PLPPR1: variants seen among roughly 807,000 people sequenced by gnomAD.
The protein encoded by PLPPR1 is phospholipid phosphatase-related protein type 1.
A neutral mutation model predicts 33.1 loss-of-function variants in PLPPR1; 10 were observed. The observed-to-expected ratio is 0.30, with a 90% CI of 0.19 to 0.51. PLPPR1 has a LOEUF of 0.51. Among genes scored for constraint, PLPPR1 ranks in the 20% least tolerant of loss-of-function variants. PLPPR1 has a pLI of 0.97. For missense variants in PLPPR1, 304 were observed against 408.1 expected (o/e 0.74, Z 2.20); for synonymous variants, 151 against 151.0 (o/e 1.00, Z 0.00).
chr9:101,235,277 A>G (rs1394263384), intron 2 of PLPPR1, among the ~76,000 whole-genome samples: 1 of 151,800 alleles, frequency 6.6e-6, no homozygotes, highest in African/African-American at 2.4e-5. Flanking sequence ...GGAAGAACAG[A>G]CCAGTATTTG....
intron 2 of PLPPR1, among the ~76,000 whole-genome samples, chr9:101,266,993 T>G (rs895895830): frequency 2.6e-5 from 4 of 152,164 alleles, no homozygotes; most frequent in Non-Finnish European, 4.4e-5. Flanking sequence ...TCTTGCCTAT[T>G]CCCATTCAGG....
intron 1 of PLPPR1, among the ~76,000 whole-genome samples, chr9:101,100,061 C>T (rs186078185): frequency 1.4e-4 from 21 of 152,012 alleles, no homozygotes; most frequent in South Asian, 4.1e-4. Flanking sequence ...TTCTGACATA[C>T]GGTCAGAGGG....
At chr9:101,278,304 A>C (rs894093694) in intron 3 of PLPPR1, among the ~76,000 whole-genome samples, 2 of 152,170 alleles carry the variant, frequency 1.3e-5, no homozygotes, top group Non-Finnish European at 2.9e-5. Context: ...GTTTTTTAAA[A>C]TATTTGTGAA....
intron 3 of PLPPR1, among the ~76,000 whole-genome samples, chr9:101,273,193 C>T (rs565680887): frequency 6.6e-6 from 1 of 152,104 alleles, no homozygotes; most frequent in Non-Finnish European, 1.5e-5. Context: ...CTGCCTGTTT[C>T]CCCTAGAAAA....
chr9:101,316,395 C>T (rs187978202), intron 6 of PLPPR1, among the ~76,000 whole-genome samples: 3 of 151,256 alleles, frequency 2.0e-5, no homozygotes, highest in East Asian at 1.9e-4. Flanking sequence ...CGAGATCGTA[C>T]GACTGCACTC....
chr9:101,251,428 T>A (rs891468317), intron 2 of PLPPR1, among the ~76,000 whole-genome samples: 1 of 152,114 alleles, frequency 6.6e-6, no homozygotes, highest in Non-Finnish European at 1.5e-5. Flanking sequence ...ACTTAGTAAC[T>A]GATGTGTAAG....
At chr9:101,172,898 C>G (rs1825965175) in intron 1 of PLPPR1, among the ~76,000 whole-genome samples, 1 of 152,060 alleles carries the variant, frequency 6.6e-6, no homozygotes, top group Non-Finnish European at 1.5e-5. Flanking sequence ...ACTTTATTGC[C>G]TCATGTCCAA....
intron 3 of PLPPR1, among the ~76,000 whole-genome samples, chr9:101,272,045 T>TAAAAGC (rs112495466): frequency 0.38 from 57,277 of 151,482 alleles, 10,759 homozygotes; most frequent in African/African-American, 0.42. Context: ...AACATATACT[T>TAAAAGC]AAAAATGAAA....
At chr9:101,143,253 C>A (rs1831476843) in intron 1 of PLPPR1, among the ~76,000 whole-genome samples, 1 of 152,166 alleles carries the variant, frequency 6.6e-6, no homozygotes, top group African/African-American at 2.4e-5. Context: ...TCTATCAAAT[C>A]ATCTAGAGAG....
chr9:101,247,462 G>A (rs1307221222), intron 2 of PLPPR1, among the ~76,000 whole-genome samples: 1 of 152,028 alleles, frequency 6.6e-6, no homozygotes, highest in African/African-American at 2.4e-5. Context: ...GATTTATGAG[G>A]AAAAGTGTTT....
intron 2 of PLPPR1, among the ~76,000 whole-genome samples, chr9:101,233,603 A>G (rs926837240): frequency 6.6e-6 from 1 of 151,942 alleles, no homozygotes. Flanking sequence ...GGATTGGTGC[A>G]TTATATAAAG....
rs138358944 is a variant in PLPPR1, at chr9:101,122,773, A to G, written c.-45-62677A>G. ...CTGAATTAGAGCTGTTGCATTTTGT[A>G]TACTACTGTACTTCCATCTTCATTA... On this transcript the variant is annotated intron_variant, in intron 1 of 7. Coordinates refer to ENST00000374874, the MANE Select transcript of PLPPR1 (RefSeq NM_207299.2). Among the ~76,000 whole-genome samples, 923 of 152,350 alleles carry G rather than the reference A, an allele frequency of 6.1e-3. 14 individuals carry two copies. Among genetic ancestry groups the G allele is most frequent in the East Asian group, 0.043 (223 of 5,182 alleles).
At chr9:101,105,988 T>C (rs1830963010) in intron 1 of PLPPR1, among the ~76,000 whole-genome samples, 1 of 148,776 alleles carries the variant, frequency 6.7e-6, no homozygotes, top group South Asian at 2.1e-4. Flanking sequence ...CTTTTTTTGT[T>C]TTCCATTGGC....
chr9:101,315,093 T>G (rs1276510850), intron 6 of PLPPR1, among the ~76,000 whole-genome samples: 1 of 152,198 alleles, frequency 6.6e-6, no homozygotes, highest in Non-Finnish European at 1.5e-5. Flanking sequence ...TACTGTTACT[T>G]TGTGTTAAGA....
intron 4 of PLPPR1, among the ~76,000 whole-genome samples, chr9:101,299,012 A>G (rs1183519305): frequency 6.6e-6 from 1 of 152,202 alleles, no homozygotes; most frequent in African/African-American, 2.4e-5. Flanking sequence ...GTGCTGACCG[A>G]GAAGTTCAAT....
intron 1 of PLPPR1, among the ~76,000 whole-genome samples, chr9:101,056,641 A>G (rs1312337387): frequency 6.6e-6 from 1 of 152,246 alleles, no homozygotes; most frequent in Non-Finnish European, 1.5e-5. Flanking sequence ...GAGTGAAATC[A>G]TCACAGAATA....
intron 2 of PLPPR1, among the ~76,000 whole-genome samples, chr9:101,203,449 G>A (rs1185128521): frequency 6.6e-6 from 1 of 152,072 alleles, no homozygotes; most frequent in Admixed American, 6.6e-5. Context: ...GTGTAAACTT[G>A]TAGCCATATG....
intron 1 of PLPPR1, among the ~76,000 whole-genome samples, chr9:101,134,265 T>C (rs1831350781): frequency 6.6e-6 from 1 of 152,176 alleles, no homozygotes; most frequent in African/African-American, 2.4e-5. Context: ...TATGAAAGTT[T>C]AACACTTAAG....
intron 1 of PLPPR1, among the ~76,000 whole-genome samples, chr9:101,180,133 TATATATATATAC>T (rs1338635294): frequency 4.8e-4 from 19 of 39,662 alleles, no homozygotes; most frequent in African/African-American, 1.4e-3. Context: ...TATATATATA[TATATATATATAC>T]ACACACACAC....
Sources: allele counts gnomAD v4.1 joint callset (sites outside exome capture counted in the v4.1 genomes callset), GRCh38; gene constraint gnomAD v4.1.1; transcripts MANE v1.5; gene names NCBI Gene and HGNC (gene_info 2026-07-23, HGNC 2026-07-21).